The following MRPL44 variants were observed in gnomAD, a reference collection of about 807,000 sequenced individuals.
MRPL44 encodes the protein large ribosomal subunit protein mL44.
Under a neutral mutation model 25.9 loss-of-function variants are expected in MRPL44, and 21 were observed. The observed-to-expected ratio is 0.81, with a 90% CI of 0.58 to 1.17. The LOEUF (loss-of-function observed/expected upper bound fraction) is 1.17, where lower values mean the gene tolerates loss of function less well. Ranked by LOEUF, MRPL44 falls within the 50% of genes most tolerant of loss-of-function variation. The probability of loss-of-function intolerance (pLI) is 0.00; values close to 1 mark genes in which losing one functional copy is unlikely to be tolerated. For missense variants in MRPL44, 410 were observed against 398.9 expected (o/e 1.03, Z -0.24); for synonymous variants, 169 against 151.0 (o/e 1.12, Z -0.87).
At chr2:223,961,480 A>G (rs1483811775) in intron 2 of MRPL44, among the ~76,000 whole-genome samples, 1 of 152,214 alleles carries the variant, frequency 6.6e-6, no homozygotes, top group East Asian at 1.9e-4. Context: ...ACTTGATAGA[A>G]ATGCAAATTC....
chr2:223,957,454 C>A, upstream of MRPL44: 1 of 1,614,112 alleles, frequency 6.2e-7, no homozygotes, highest in East Asian at 2.2e-5. Flanking sequence ...TTCCGTCTTC[C>A]ATCGTTTTCT....
intron 3 of MRPL44, among the ~76,000 whole-genome samples, 158 bp downstream of exon 3, chr2:223,964,092 T>A (rs186711525): frequency 1.3e-5 from 2 of 152,350 alleles, no homozygotes; most frequent in Admixed American, 1.3e-4. Context: ...AAAGATTTTT[T>A]AAAAATCTCT....
rs1177151903 is a variant in MRPL44 at position 223,959,560 on chromosome 2, A to G, written c.206A>G (p.His69Arg). ...RRSEKPNWDYHAEIQAFGHRL... is the reference protein window; with the variant it reads ...RRSEKPNWDYRAEIQAFGHRL... ...TCAGAGAAGCCGAACTGGGATTACC[A>G]TGCAGAAATACAAGCTTTTGGACAT... Residue 69 changes from histidine to arginine, a missense_variant, in exon 2 of 4, where the codon CAT (histidine) becomes CGT (arginine). By Grantham distance (29) the His-to-Arg change is conservative. Transcript: ENST00000258383. The G allele has an allele frequency of 6.2e-7, 1 of 1,612,062 alleles. No homozygotes were observed.
At chr2:223,965,890 G>T (rs1341395605) in intron 3 of MRPL44, 1 of 149,410 alleles carries the variant, frequency 6.7e-6, no homozygotes, top group African/African-American at 2.5e-5. Flanking sequence ...TTTTTCAGAG[G>T]TCTCACTATG....
intron 2 of MRPL44, among the ~76,000 whole-genome samples, chr2:223,961,742 T>A (rs1003739016): frequency 1.3e-5 from 2 of 152,218 alleles, no homozygotes; most frequent in South Asian, 4.1e-4. Flanking sequence ...GGAGATGAGA[T>A]TGGAGTATTC....
At position 223,959,979 on chromosome 2, in the gene MRPL44, GA is replaced by G. The variant is rs766837155; in HGVS notation, c.626del (p.Glu209GlyfsTer11). 2.1e-5 allele frequency: 34 copies of G among 1,613,188 alleles called. No homozygotes were observed. The South Asian group carries it at 3.6e-4, about 17-fold the overall frequency. On this transcript the variant is annotated frameshift_variant, in exon 2 of 4. Coordinates refer to ENST00000258383, the MANE Select transcript of MRPL44 (RefSeq NM_022915.5). LOFTEE classifies it high-confidence loss of function. ...AGCCCTGTTACAGAGCAGTGGACCT[GA>G]GAGGACTGCACTTTTCATCAGGGTA... Reference protein sequence around the residue: ...IGALLQSSGPERTALFIRDFL... With the variant: ...IGALLQSSGPXRTALFIRDFL...
upstream of MRPL44, chr2:223,957,288 G>A (rs1005827000): frequency 3.0e-6 from 2 of 658,706 alleles, no homozygotes; most frequent in African/African-American, 1.8e-5. Flanking sequence ...TAGCCTCAAG[G>A]CGGCCGCAAT....
upstream of MRPL44, among the ~76,000 whole-genome samples, chr2:223,954,868 C>T (rs573604514): frequency 3.9e-5 from 6 of 152,126 alleles, no homozygotes; most frequent in East Asian, 5.8e-4. Context: ...TCTTGCTGGC[C>T]GCTAACACAC....
chr2:223,952,859 C>G (rs1297314189), upstream of MRPL44, among the ~76,000 whole-genome samples: 1 of 152,154 alleles, frequency 6.6e-6, no homozygotes, highest in Non-Finnish European at 1.5e-5. Flanking sequence ...GTCCTGGAGT[C>G]TTTCTGAACG....
rs1335638264 is a variant in MRPL44 at position 223,967,542 on chromosome 2, C to T, written c.*508C>T. Reference sequence around the variant, plus strand: ...GCCACTATACCCGACCAGATCAAATCTTTTTTTGACATTTTTGCAAAAAAA... The same window carrying T: ...GCCACTATACCCGACCAGATCAAATTTTTTTTTGACATTTTTGCAAAAAAA... On this transcript the variant is annotated 3_prime_UTR_variant, in exon 4 of 4. Coordinates refer to ENST00000258383, the MANE Select transcript of MRPL44 (RefSeq NM_022915.5). The T allele has an allele frequency of 6.6e-6, 1 of 152,088 alleles. No individual in the cohort carries two copies. Among genetic ancestry groups the T allele is most frequent in the Non-Finnish European group, 1.5e-5 (1 of 68,014 alleles). The allele number at this position is 152,088 out of a possible 1,614,324, so 9.4% of individuals were successfully genotyped here. A position where few individuals can be genotyped will look rare whatever the true frequency, so the allele number is the denominator to read the frequency against.
the MRPL44 span, among the ~76,000 whole-genome samples, chr2:223,952,198 T>C: frequency 6.6e-6 from 1 of 152,194 alleles, no homozygotes; most frequent in Non-Finnish European, 1.5e-5. Context: ...GTGGAGGCAG[T>C]GGTGGGACAT....
intron 2 of MRPL44, among the ~76,000 whole-genome samples, 199 bp downstream of exon 2, chr2:223,960,201 A>G (rs1177177558): frequency 2.0e-5 from 3 of 152,188 alleles, no homozygotes; most frequent in African/African-American, 7.2e-5. Flanking sequence ...TGAATATTAA[A>G]TTGTGGGTTG....
chr2:223,960,045 GA>G (rs1559184273), intron 2 of MRPL44, 43 bp downstream of exon 2: 2 of 1,430,290 alleles, frequency 1.4e-6, no homozygotes, highest in African/African-American at 2.9e-5. Flanking sequence ...AGACAGAAGG[GA>G]AAATATTCTT....
chr2:223,953,409 AGG>A (rs1559181914), upstream of MRPL44, among the ~76,000 whole-genome samples: 13 of 150,892 alleles, frequency 8.6e-5, no homozygotes, highest in African/African-American at 3.2e-4. Flanking sequence ...CTGGGATTAC[AGG>A]CATGAGCCAC....
chr2:223,962,341 T>C (rs1003885979), intron 2 of MRPL44, among the ~76,000 whole-genome samples: 5 of 152,282 alleles, frequency 3.3e-5, no homozygotes, highest in Non-Finnish European at 7.4e-5. Flanking sequence ...TATTTTTTAT[T>C]AATGAAGCTG....
chr2:223,953,233 C>G (rs575282201), upstream of MRPL44, among the ~76,000 whole-genome samples: 91 of 151,258 alleles, frequency 6.0e-4, no homozygotes, highest in African/African-American at 2.2e-3. Context: ...CTCCCAGATT[C>G]AAGCAATTCT....
rs772054952 is a variant in MRPL44 at position 223,963,865 on chromosome 2, C to T, written c.758C>T (p.Pro253Leu). The change falls in exon 3 of 4, where the codon CCT (proline) becomes CTT (leucine). Residue 253 changes from proline (P) to leucine (L), a missense_variant. Transcript: ENST00000258383. The stretch of plus-strand genomic sequence containing the variant: ...CTGAAGAAAAGGAATGTTTCAGCTC[C>T]TGAATCAAGACTTACTAGGCAGTCT... Reference protein sequence around the residue: ...EELKKRNVSAPESRLTRQSGG... With the variant: ...EELKKRNVSALESRLTRQSGG... 2 of 1,613,784 alleles carry T rather than the reference C, an allele frequency of 1.2e-6. No homozygotes were observed. The highest frequency in any genetic ancestry group is 1.7e-6 in the Non-Finnish European group (2 of 1,179,924).
upstream of MRPL44, among the ~76,000 whole-genome samples, chr2:223,952,525 G>GT (rs1689507475): frequency 6.6e-6 from 1 of 152,056 alleles, no homozygotes; most frequent in African/African-American, 2.4e-5. Flanking sequence ...TGTTCTCTTG[G>GT]TAAGACCCTG....
At position 223,957,486 on chromosome 2, in the gene MRPL44, T is replaced by G; in HGVS notation, c.14T>G (p.Leu5Arg). The change falls in exon 1 of 4, where the codon CTG becomes CGG. Residue 5 changes from leucine (L) to arginine (R), a missense_variant. Coordinates refer to ENST00000258383, the MANE Select transcript of MRPL44 (RefSeq NM_022915.5). ...TTCTCTCGTGCAATGGCGTCCGGGC[T>G]GGTAAGATTGCTGCAGCAGGGACAT... MASG[L>R]VRLLQQGHRC... 1 of 1,614,154 alleles carries G rather than the reference T, an allele frequency of 6.2e-7. No homozygotes were observed. The highest frequency in any genetic ancestry group is 8.5e-7 in the Non-Finnish European group (1 of 1,180,026).
Sources: gnomAD v4.1 joint callset for allele counts (sites outside exome capture counted in the v4.1 genomes callset) on GRCh38, gnomAD v4.1.1 for gene constraint, MANE v1.5 for transcripts, NCBI Gene and HGNC (gene_info 2026-07-23, HGNC 2026-07-21) for gene names.